Variants in SND1 observed in about 807,000 individuals in gnomAD.
SND1 encodes staphylococcal nuclease and tudor domain containing 1.
A neutral mutation model predicts 121.7 loss-of-function variants in SND1; 38 were observed. The observed-to-expected ratio is 0.31, with a 90% CI of 0.24 to 0.41. SND1 has a LOEUF of 0.41. Ranked by LOEUF, SND1 falls within the 10% of genes least tolerant of loss-of-function variation. The pLI is 1.00. For missense variants in SND1, 868 were observed against 1,184.6 expected, an observed-to-expected ratio of 0.73 and a Z score of 3.92; for synonymous variants, 401 against 447.4, an observed-to-expected ratio of 0.90 and a Z score of 1.31.
chr7:128,055,923 C>T (rs984829695), intron 16 of SND1, among the ~76,000 whole-genome samples: 1 of 152,136 alleles, frequency 6.6e-6, no homozygotes, highest in African/African-American at 2.4e-5. Context: ...AATCATGCTG[C>T]CTGCTGACTA....
At chr7:127,976,368 G>A (rs1383816521) in intron 15 of SND1, among the ~76,000 whole-genome samples, 1 of 152,246 alleles carries the variant, frequency 6.6e-6, no homozygotes, top group African/African-American at 2.4e-5. Context: ...AATACCTCCT[G>A]CATGGCTGCA....
intron 15 of SND1, among the ~76,000 whole-genome samples, chr7:127,949,704 C>T (rs1801418357): frequency 6.6e-6 from 1 of 152,168 alleles, no homozygotes; most frequent in African/African-American, 2.4e-5. Context: ...AATCCATGGT[C>T]CTTTGCCTTA....
At chr7:127,957,498 A>G (rs1416423823) in intron 15 of SND1, among the ~76,000 whole-genome samples, 2 of 152,186 alleles carry the variant, frequency 1.3e-5, no homozygotes, top group Admixed American at 1.3e-4. Flanking sequence ...TTCAGTGTCT[A>G]ACATTGTGTT....
intron 16 of SND1, among the ~76,000 whole-genome samples, chr7:128,046,471 C>G (rs1387077244): frequency 1.4e-5 from 2 of 147,162 alleles, no homozygotes; most frequent in African/African-American, 5.0e-5. Context: ...TCAAGTGATT[C>G]TCCTCCCTCA....
chr7:127,941,897 T>C (rs1013101845), intron 15 of SND1, among the ~76,000 whole-genome samples: 1 of 144,902 alleles, frequency 6.9e-6, no homozygotes, highest in Non-Finnish European at 1.5e-5. Flanking sequence ...GAGTTTTTTT[T>C]TTTTTTTTTT....
At chr7:128,076,067 G>A (rs565766451) in intron 17 of SND1, among the ~76,000 whole-genome samples, 7 of 152,194 alleles carry the variant, frequency 4.6e-5, no homozygotes, top group Non-Finnish European at 8.8e-5. Context: ...AAGCATCTTC[G>A]TCCTTGCCCT....
At chr7:128,039,047 G>A (rs1267891937) in intron 16 of SND1, among the ~76,000 whole-genome samples, 1 of 151,966 alleles carries the variant, frequency 6.6e-6, no homozygotes, top group Non-Finnish European at 1.5e-5. Context: ...AGGTTTTATC[G>A]TCTTCCTCCT....
At chr7:127,932,059 C>A (rs1307396220) in intron 15 of SND1, among the ~76,000 whole-genome samples, 2 of 152,184 alleles carry the variant, frequency 1.3e-5, no homozygotes, top group Non-Finnish European at 2.9e-5. Context: ...GATTTTCAAA[C>A]CTTACTATTT....
chr7:127,952,286 C>T (rs1169301787), intron 15 of SND1, among the ~76,000 whole-genome samples: 1 of 152,178 alleles, frequency 6.6e-6, no homozygotes, highest in African/African-American at 2.4e-5. Context: ...ATTTCCAAGA[C>T]ATTAATAGAT....
intron 1 of SND1, 88 bp downstream of exon 1, chr7:127,652,539 G>A (rs1795140623): frequency 2.7e-6 from 3 of 1,102,930 alleles, no homozygotes; most frequent in Non-Finnish European, 3.9e-6. Context: ...CCTGCTCCAT[G>A]TCCCAGATCC....
intron 11 of SND1, among the ~76,000 whole-genome samples, chr7:127,811,813 A>C (rs1003842304): frequency 4.6e-5 from 7 of 152,194 alleles, no homozygotes; most frequent in African/African-American, 1.7e-4. Flanking sequence ...GTCTAAGCAG[A>C]GTTTTGGAGA....
At chr7:127,691,643 C>T (rs554961508) in intron 2 of SND1, among the ~76,000 whole-genome samples, 268 of 152,076 alleles carry the variant, frequency 1.8e-3, no homozygotes, top group African/African-American at 6.1e-3. Flanking sequence ...GATGGAGCCT[C>T]GCTTTGTCGC....
chr7:127,936,876 G>A (rs1224922423), intron 15 of SND1, among the ~76,000 whole-genome samples: 3 of 152,172 alleles, frequency 2.0e-5, no homozygotes, highest in Non-Finnish European at 4.4e-5. Flanking sequence ...CCCCCAGTGG[G>A]TGTGGAGTAT....
chr7:127,797,123 C>T (rs1266735936), intron 10 of SND1, among the ~76,000 whole-genome samples: 2 of 152,018 alleles, frequency 1.3e-5, no homozygotes, highest in African/African-American at 4.8e-5. Flanking sequence ...GAACTCTTGA[C>T]CTCAGGTTAT....
chr7:127,990,988 G>C lies in SND1; in HGVS notation c.1711G>C (p.Val571Leu). ...PRGARNLPGLVQEGEPFSEEA... is the reference protein window; with the variant it reads ...PRGARNLPGLLQEGEPFSEEA... Reference sequence around the variant, plus strand: ...AGGAGCCCGAAACCTCCCAGGCTTGGTGCAGGAAGGAGAGCCCTTCAGCGA... The same window carrying C: ...AGGAGCCCGAAACCTCCCAGGCTTGCTGCAGGAAGGAGAGCCCTTCAGCGA... The change falls in exon 16 of 24, where the codon GTG becomes CTG. Residue 571 changes from valine (V) to leucine (L), a missense_variant. Coordinates refer to ENST00000354725, the MANE Select transcript of SND1 (RefSeq NM_014390.4). The C allele has an allele frequency of 6.2e-7, 1 of 1,614,046 alleles. No homozygotes were observed. Among genetic ancestry groups the C allele is most frequent in the Non-Finnish European group, 8.5e-7 (1 of 1,179,946 alleles).
Position 128,084,807 on chromosome 7 carries a change from A to G in SND1, c.2194A>G (p.Arg732Gly). ...PPVEGSYAPR[R>G]GEFCIAKFVD... ...TGTAGAGGGCTCCTATGCCCCCCGC[A>G]GGGGAGAGTTCTGCATTGCCAAATT... The change falls in exon 19 of 24, where the codon AGG becomes GGG. Residue 732 changes from arginine (R) to glycine (G), a missense_variant. Arg to Gly is a moderately radical substitution (Grantham distance 125). Coordinates refer to ENST00000354725, the MANE Select transcript of SND1 (RefSeq NM_014390.4). 3 of 1,607,398 alleles carry G rather than the reference A, an allele frequency of 1.9e-6. No individual in the cohort carries two copies. The highest frequency in any genetic ancestry group is 1.7e-6 in the Non-Finnish European group (2 of 1,175,356).
chr7:128,008,605 T>C (rs1453387074), intron 16 of SND1, among the ~76,000 whole-genome samples: 1 of 152,164 alleles, frequency 6.6e-6, no homozygotes, highest in Non-Finnish European at 1.5e-5. Flanking sequence ...TCTGGTCAAG[T>C]TGAGGCAGGG....
intron 16 of SND1, among the ~76,000 whole-genome samples, chr7:127,992,730 T>C (rs1338737388): frequency 6.6e-6 from 1 of 152,180 alleles, no homozygotes; most frequent in African/African-American, 2.4e-5. Context: ...CCACCTTTCT[T>C]CCTGATCATG....
intron 3 of SND1, among the ~76,000 whole-genome samples, chr7:127,695,648 C>T (rs1339184930): frequency 6.6e-6 from 1 of 152,064 alleles, no homozygotes; most frequent in Non-Finnish European, 1.5e-5. Context: ...CCTGGGGCAA[C>T]ATGGTAAAAC....
Sources: gnomAD v4.1 joint callset for allele counts (sites outside exome capture counted in the v4.1 genomes callset) on GRCh38, gnomAD v4.1.1 for gene constraint, MANE v1.5 for transcripts, NCBI Gene and HGNC (gene_info 2026-07-23, HGNC 2026-07-21) for gene names.